The following KCNH8 variants were observed in gnomAD, a reference collection of about 807,000 sequenced individuals.
The protein encoded by KCNH8 is potassium voltage-gated channel subfamily H member 8.
In KCNH8, 70 loss-of-function variants were observed where a neutral mutation model predicts 103.6. The ratio of observed to expected loss-of-function variants is 0.68; its 90% CI spans 0.56 to 0.82. The LOEUF (loss-of-function observed/expected upper bound fraction) is 0.82, where lower values mean the gene tolerates loss of function less well. Ranked by LOEUF, KCNH8 falls within the 40% of genes least tolerant of loss-of-function variation. The pLI is 0.00. For missense variants in KCNH8, 1,217 were observed against 1,329.9 expected (o/e 0.92, Z 1.32); for synonymous variants, 498 against 489.4 (o/e 1.02, Z -0.23).
intron 3 of KCNH8, among the ~76,000 whole-genome samples, chr3:19,294,836 T>G (rs946375573): frequency 6.6e-6 from 1 of 152,156 alleles, no homozygotes; most frequent in Non-Finnish European, 1.5e-5. Context: ...AGTCATTCCA[T>G]TTGAAAGAAA....
At chr3:19,170,800 A>ATTTT (rs1304305816) in intron 1 of KCNH8, among the ~76,000 whole-genome samples, 1 of 103,616 alleles carries the variant, frequency 9.7e-6, no homozygotes, top group African/African-American at 4.7e-5. Flanking sequence ...ATATATATAT[A>ATTTT]TATATATATA....
intron 5 of KCNH8, among the ~76,000 whole-genome samples, chr3:19,365,490 T>G (rs1186541972): frequency 6.6e-6 from 1 of 152,082 alleles, no homozygotes; most frequent in Admixed American, 6.6e-5. Flanking sequence ...ATTATTTAGT[T>G]TATATAACCG....
intron 3 of KCNH8, among the ~76,000 whole-genome samples, chr3:19,285,741 T>G (rs1364340808): frequency 2.0e-5 from 3 of 152,036 alleles, no homozygotes; most frequent in Non-Finnish European, 4.4e-5. Flanking sequence ...TTTACACTCA[T>G]GCAGCCCAAC....
rs1450774989 is a variant in KCNH8 at position 19,473,591 on chromosome 3, T to A, written c.2040+16609T>A. On this transcript the variant is annotated intron_variant, in intron 11 of 15. Coordinates refer to ENST00000328405, the MANE Select transcript of KCNH8 (RefSeq NM_144633.3). ...AAGAGTAAATTTGTGAAATCACCAC[T>A]CCACTATCATTTCAAATGTAAAAAA... Among the ~76,000 whole-genome samples, 4 of 152,210 alleles carry A rather than the reference T, an allele frequency of 2.6e-5. No homozygotes were observed. The East Asian group carries it at 7.7e-4, about 29-fold the overall frequency.
chr3:19,432,742 T>C (rs373371891), intron 7 of KCNH8, among the ~76,000 whole-genome samples: 3 of 152,166 alleles, frequency 2.0e-5, no homozygotes, highest in Non-Finnish European at 4.4e-5. Flanking sequence ...TCTGAAAGCA[T>C]TGTGAATTGT....
chr3:19,525,663 A>C (rs2125250793), intron 15 of KCNH8, among the ~76,000 whole-genome samples: 1 of 152,040 alleles, frequency 6.6e-6, no homozygotes, highest in East Asian at 1.9e-4. Context: ...CAAGACTATA[A>C]TTGGTCATTT....
At chr3:19,159,342 A>G (rs1349098804) in intron 1 of KCNH8, among the ~76,000 whole-genome samples, 3 of 151,732 alleles carry the variant, frequency 2.0e-5, no homozygotes, top group African/African-American at 7.3e-5. Flanking sequence ...AATATAGTGT[A>G]TATATAGTAT....
chr3:19,463,474 G>A (rs1350731190), intron 11 of KCNH8, among the ~76,000 whole-genome samples: 2 of 152,046 alleles, frequency 1.3e-5, no homozygotes, highest in African/African-American at 2.4e-5. Flanking sequence ...TACAGGCAAT[G>A]TGTAGATGAA....
chr3:19,518,956 A>C (rs1014748215), intron 15 of KCNH8, among the ~76,000 whole-genome samples: 1 of 152,100 alleles, frequency 6.6e-6, no homozygotes, highest in African/African-American at 2.4e-5. Context: ...AAGTATAATT[A>C]AAGAACAGAG....
intron 3 of KCNH8, among the ~76,000 whole-genome samples, chr3:19,320,391 C>G (rs191168508): frequency 1.3e-5 from 2 of 151,908 alleles, no homozygotes; most frequent in East Asian, 1.9e-4. Context: ...TTTGTTGAAC[C>G]CTTTTTCTGC....
At chr3:19,208,778 C>T (rs1276827491) in intron 1 of KCNH8, among the ~76,000 whole-genome samples, 1 of 151,798 alleles carries the variant, frequency 6.6e-6, no homozygotes, top group Non-Finnish European at 1.5e-5. Flanking sequence ...GGTGTTCTTC[C>T]TATTTGTGTT....
intron 14 of KCNH8, among the ~76,000 whole-genome samples, chr3:19,516,770 C>T (rs895255260): frequency 6.6e-6 from 1 of 152,018 alleles, no homozygotes. Flanking sequence ...ACCATTACTG[C>T]TACCACTCTT....
chr3:19,166,451 G>A (rs2063284408), intron 1 of KCNH8, among the ~76,000 whole-genome samples: 1 of 152,260 alleles, frequency 6.6e-6, no homozygotes, highest in African/African-American at 2.4e-5. Flanking sequence ...AAGAATATAA[G>A]CTAAAAAGGA....
At chr3:19,511,997 A>G (rs758066368) in intron 12 of KCNH8, among the ~76,000 whole-genome samples, 2 of 152,230 alleles carry the variant, frequency 1.3e-5, no homozygotes, top group Admixed American at 6.5e-5. Flanking sequence ...ATGACAGCCC[A>G]GAGTCTGAAT....
chr3:19,426,515 ACTTT>A (rs1485896633), intron 7 of KCNH8, among the ~76,000 whole-genome samples: 1 of 151,026 alleles, frequency 6.6e-6, no homozygotes, highest in Non-Finnish European at 1.5e-5. Flanking sequence ...ACTAGAAATA[ACTTT>A]CTGATAATCA....
intron 2 of KCNH8, among the ~76,000 whole-genome samples, chr3:19,280,897 G>T (rs957315890): frequency 6.6e-6 from 1 of 152,112 alleles, no homozygotes; most frequent in African/African-American, 2.4e-5. Flanking sequence ...GAATGCTTCA[G>T]CATCAACGAG....
At chr3:19,169,938 C>CA (rs34823874) in intron 1 of KCNH8, among the ~76,000 whole-genome samples, 8 of 151,468 alleles carry the variant, frequency 5.3e-5, no homozygotes, top group Admixed American at 1.3e-4. Context: ...TACTTTGTTA[C>CA]AAAAAAAAGA....
intron 11 of KCNH8, among the ~76,000 whole-genome samples, chr3:19,468,929 A>G (rs1041309806): frequency 6.6e-6 from 1 of 152,346 alleles, no homozygotes; most frequent in Admixed American, 6.5e-5. Flanking sequence ...CTGAAAAGGG[A>G]GCTATTCCAA....
intron 1 of KCNH8, among the ~76,000 whole-genome samples, chr3:19,226,603 T>TCACA: frequency 6.9e-6 from 1 of 145,286 alleles, no homozygotes; most frequent in Admixed American, 6.8e-5. Context: ...TCTCTCTCTG[T>TCACA]CACACACACA....
Sources: gnomAD v4.1 joint callset for allele counts (sites outside exome capture counted in the v4.1 genomes callset) on GRCh38, gnomAD v4.1.1 for gene constraint, MANE v1.5 for transcripts, NCBI Gene and HGNC (gene_info 2026-07-23, HGNC 2026-07-21) for gene names.